Variants in FBN3 observed in about 807,000 individuals in gnomAD.
FBN3 encodes fibrillin-3.
FBN3 carries 234 observed loss-of-function variants against 330.1 expected under a neutral mutation model. The observed-to-expected ratio is 0.71, with a 90% CI of 0.64 to 0.79. The LOEUF is 0.79. FBN3 is among the 30% of genes least tolerant of loss of function. FBN3 has a pLI of 0.00. For missense variants in FBN3, 3,606 were observed against 3,886.9 expected, an observed-to-expected ratio of 0.93 and a Z score of 1.92; for synonymous variants, 1,458 against 1,517.3, an observed-to-expected ratio of 0.96 and a Z score of 0.91.
chr19:8,066,236 C>T lies in FBN3; in HGVS notation c.8113G>A (p.Glu2705Lys), dbSNP rs757011216. The T allele has an allele frequency of 2.5e-6, 4 of 1,580,428 alleles. No homozygotes were observed. The highest frequency in any genetic ancestry group is 2.3e-5 in the East Asian group (1 of 43,790). The change falls in exon 64 of 64, where the codon GAG (glutamate) becomes AAG (lysine). Residue 2705 changes from glutamate to lysine, a missense_variant. Transcript: ENST00000600128. ...TTCAGGCCCAAGGTCAGCAGGGCCT[C>T]GGAGTCAAGGGTGGCCAGGTTCACC... ...HQVNLATLDS[E>K]ALLTLGLNLS...
intron 62 of FBN3, among the ~76,000 whole-genome samples, chr19:8,072,742 AC>A (rs935107514): frequency 1.3e-5 from 2 of 151,608 alleles, no homozygotes; most frequent in African/African-American, 4.9e-5. Flanking sequence ...ACACACACAC[AC>A]GTGTGCATGC....
Position 8,142,018 on chromosome 19 carries a change from G to C in FBN3, c.661C>G (p.Pro221Ala), listed in dbSNP as rs779305155. The change falls in exon 7 of 64, where the codon CCA becomes GCA. Residue 221 changes from proline to alanine, a missense_variant. Pro to Ala is a conservative substitution (Grantham distance 27, BLOSUM62 -1). Transcript: ENST00000600128. ...CATVGRAWGLPCELCPAQPHP... is the reference protein window; with the variant it reads ...CATVGRAWGLACELCPAQPHP... ...GGCTGTGCAGGGCAAAGTTCACATG[G>C]AAGGCCCCAGGCACGGCCCACAGTG... 2 of 1,614,190 alleles carry C rather than the reference G, an allele frequency of 1.2e-6. No individual in the cohort carries two copies. Among genetic ancestry groups the C allele is most frequent in the South Asian group, 2.2e-5 (2 of 91,088 alleles).
chr19:8,073,006 T>C (rs1445317624), intron 62 of FBN3, 57 bp downstream of exon 62: 3 of 964,456 alleles, frequency 3.1e-6, no homozygotes, highest in African/African-American at 1.7e-5. Context: ...TGTGTGTGCG[T>C]GCGTGCATGG....
At chr19:8,133,191 C>T (rs962761167) in intron 13 of FBN3, 85 bp from the exon 14 acceptor site, 7 of 1,449,636 alleles carry the variant, frequency 4.8e-6, no homozygotes, top group African/African-American at 2.8e-5. Context: ...GGGCTGACCC[C>T]CCAGGATCCC....
At chr19:8,134,253 A>ATAAATTAAT (rs1555752689) in intron 13 of FBN3, among the ~76,000 whole-genome samples, 16,561 of 148,928 alleles carry the variant, frequency 0.11, 2,158 homozygotes, top group African/African-American at 0.3. Context: ...AAATAAATAA[A>ATAAATTAAT]TAAATAAAAT....
At chr19:8,146,619 G>A (rs936970730) in intron 3 of FBN3, among the ~76,000 whole-genome samples, 2 of 134,382 alleles carry the variant, frequency 1.5e-5, no homozygotes, top group Non-Finnish European at 3.1e-5. Context: ...GACAAACAGA[G>A]AGAGACTCAG....
At chr19:8,127,627 A>G (rs2083024736) in intron 18 of FBN3, among the ~76,000 whole-genome samples, 1 of 152,198 alleles carries the variant, frequency 6.6e-6, no homozygotes, top group Non-Finnish European at 1.5e-5. Flanking sequence ...GGGCTTGATC[A>G]TCCGCTAGAG....
At chr19:8,091,767 G>A (rs1390048594) in intron 47 of FBN3, among the ~76,000 whole-genome samples, 177 bp from the exon 48 acceptor site, 7 of 152,202 alleles carry the variant, frequency 4.6e-5, no homozygotes, top group Non-Finnish European at 8.8e-5. Flanking sequence ...GTGTGTGCAC[G>A]TAGGTCCTTC....
intron 57 of FBN3, among the ~76,000 whole-genome samples, chr19:8,083,029 G>A (rs1445779383): frequency 1.3e-5 from 2 of 152,054 alleles, no homozygotes; most frequent in Non-Finnish European, 2.9e-5. Context: ...TGGAACTCCT[G>A]GTCTCAAGTG....
At chr19:8,145,395 AAAG>A (rs1274194389) in intron 5 of FBN3, among the ~76,000 whole-genome samples, 3,940 of 136,412 alleles carry the variant, frequency 0.029, 29 homozygotes, top group South Asian at 0.047. Context: ...AAAAAAAAAA[AAAG>A]GGCCGGGCAC....
intron 46 of FBN3, 135 bp downstream of exon 46, chr19:8,095,240 G>A (rs1382604983): frequency 3.2e-6 from 3 of 936,964 alleles, no homozygotes; most frequent in African/African-American, 2.1e-5. Flanking sequence ...CAAAGTGCTG[G>A]GTATTTTTTT....
At chr19:8,083,430 A>T in intron 56 of FBN3, 58 bp from the exon 57 acceptor site, 1 of 1,598,056 alleles carries the variant, frequency 6.3e-7, no homozygotes, top group Admixed American at 1.7e-5. Context: ...TCCACCGAGG[A>T]ATGTCTCCTT....
intron 3 of FBN3, 85 bp downstream of exon 3, chr19:8,147,019 C>G: frequency 7.9e-7 from 1 of 1,263,624 alleles, no homozygotes; most frequent in Non-Finnish European, 1.1e-6. Context: ...TGGCTAAGTC[C>G]CCGTGTAAAC....
intron 37 of FBN3, 83 bp downstream of exon 37, chr19:8,108,087 A>G (rs1599359478): frequency 7.9e-7 from 1 of 1,261,882 alleles, no homozygotes; most frequent in South Asian, 1.3e-5. Context: ...AAACTACTCA[A>G]CTCTACACTT....
At position 8,090,096 on chromosome 19, in the gene FBN3, C is replaced by T; in HGVS notation, c.6184+3G>A. 6.2e-7 allele frequency: 1 copy of T among 1,613,114 alleles called. No individual in the cohort carries two copies. On this transcript the variant is annotated splice_donor_region_variant and intron_variant, in intron 49 of 63. Coordinates refer to ENST00000600128, the MANE Select transcript of FBN3 (RefSeq NM_032447.5). ...GGGAGCCTGGACAGGGGTGGGCACT[C>T]ACCGCTGCCCTCCTGGGGACACAGT...
chr19:8,136,617 T>C (rs905188764), intron 10 of FBN3, 86 bp from the exon 11 acceptor site: 60 of 1,552,900 alleles, frequency 3.9e-5, no homozygotes, highest in Non-Finnish European at 5.1e-5. Context: ...TAGGCCCAGA[T>C]ACCCCCTCTA....
Position 8,121,476 on chromosome 19 carries a change from G to A in FBN3, c.3083-90C>T, listed in dbSNP as rs2082849499. The A allele has an allele frequency of 7.5e-7, 1 of 1,333,510 alleles. No homozygotes were observed. The highest frequency in any genetic ancestry group is 2.6e-5 in the East Asian group (1 of 38,688). 82.6% of individuals were successfully genotyped at this position (1,333,510 alleles called of 1,614,324 possible). A position where few individuals can be genotyped will look rare whatever the true frequency, so the allele number is the denominator to read the frequency against. On this transcript the variant is annotated intron_variant, in intron 24 of 63. Coordinates refer to ENST00000600128, the MANE Select transcript of FBN3 (RefSeq NM_032447.5). This position sits in a 1 kb window ranked among gnomAD's most constrained non-coding sequence, Gnocchi z 4.5. ...GGGGTCCCTGTCCTTTGATGGAGGTGTGGGCTAGAGGAAGCCCATCTGCAG... is the reference window on the plus strand; with the variant it reads ...GGGGTCCCTGTCCTTTGATGGAGGTATGGGCTAGAGGAAGCCCATCTGCAG...
intron 30 of FBN3, among the ~76,000 whole-genome samples, chr19:8,112,669 A>T (rs113632405): frequency 0.019 from 2,925 of 152,196 alleles, 98 homozygotes; most frequent in African/African-American, 0.067. Flanking sequence ...AATAAATAAA[A>T]AAATAAAAAA....
rs1310572304 is a variant in FBN3 at position 8,149,176 on chromosome 19, C to A, written c.-18+273G>T. The stretch of plus-strand genomic sequence containing the variant: ...GGCGCGATCTCCACCCGGCAGGGCC[C>A]CCGGCCGCGACCACGCTTGGCTCCG... On this transcript the variant is annotated intron_variant, in intron 1 of 63. Coordinates refer to ENST00000600128, the MANE Select transcript of FBN3 (RefSeq NM_032447.5). This position sits in a 1 kb window ranked among gnomAD's most constrained non-coding sequence, Gnocchi z 5.5. Among the ~76,000 whole-genome samples, 1 of 152,010 alleles carries A rather than the reference C, an allele frequency of 6.6e-6. No individual in the cohort carries two copies. Among genetic ancestry groups the A allele is most frequent in the Non-Finnish European group, 1.5e-5 (1 of 67,970 alleles).
Sources: allele counts gnomAD v4.1 joint callset (sites outside exome capture counted in the v4.1 genomes callset), GRCh38; gene constraint gnomAD v4.1.1; non-coding constraint Gnocchi (gnomAD v3.1); transcripts MANE v1.5; gene names NCBI Gene and HGNC (gene_info 2026-07-23, HGNC 2026-07-21).